The following PIN4 variants were observed in gnomAD, a reference collection of about 807,000 sequenced individuals.
The protein encoded by PIN4 is peptidyl-prolyl cis-trans isomerase NIMA-interacting 4.
In PIN4, 3 loss-of-function variants were observed where a neutral mutation model predicts 8.3. The ratio of observed to expected loss-of-function variants is 0.36; its 90% CI spans 0.16 to 0.93. PIN4 has a LOEUF of 0.93. Among genes scored for constraint, PIN4 ranks in the 40% least tolerant of loss-of-function variants. The pLI is 0.44. For synonymous variants in PIN4, 18 were observed against 32.5 expected, an observed-to-expected ratio of 0.55 and a Z score of 1.52; for missense variants, 75 against 100.6, an observed-to-expected ratio of 0.75 and a Z score of 1.09.
chrX:72,204,586 A>G (rs1487121815), intron 3 of PIN4: 1 of 116,429 alleles, frequency 8.6e-6, no homozygotes, highest in Admixed American at 9.1e-5. Context: ...TTAAGCTGAA[A>G]GCATGAAACA....
chrX:72,182,708 A>G (rs2042680409), intron 1 of PIN4, among the ~76,000 whole-genome samples: 2 of 111,535 alleles, frequency 1.8e-5, no homozygotes, highest in Admixed American at 1.9e-4. Flanking sequence ...CAGGGAACGG[A>G]AGACTTCCTG....
chrX:72,259,931 G>A (rs1209374749), intron 3 of PIN4, among the ~76,000 whole-genome samples: 1 of 106,602 alleles, frequency 9.4e-6, no homozygotes, highest in Non-Finnish European at 1.9e-5. Flanking sequence ...TATAGACGGG[G>A]TTTCACCATA....
intron 3 of PIN4, among the ~76,000 whole-genome samples, chrX:72,251,189 C>T (rs1309739169): frequency 1.9e-5 from 2 of 103,699 alleles, no homozygotes; most frequent in Non-Finnish European, 3.9e-5. Flanking sequence ...AACCCCGTCT[C>T]TACTAAAAAT....
chrX:72,195,128 G>A (rs751712797), intron 2 of PIN4, among the ~76,000 whole-genome samples: 25 of 112,411 alleles, frequency 2.2e-4, no homozygotes, highest in Non-Finnish European at 4.7e-4. Flanking sequence ...GTGACTATAA[G>A]TGATTCTATT....
At chrX:72,233,463 C>T (rs774308433) in intron 3 of PIN4, among the ~76,000 whole-genome samples, 1 of 111,537 alleles carries the variant, frequency 9.0e-6, no homozygotes, top group South Asian at 3.8e-4. Flanking sequence ...GTAGCTCACG[C>T]CTGTAATCAC....
chrX:72,226,405 T>C (rs781320104), intron 3 of PIN4, among the ~76,000 whole-genome samples: 1 of 112,063 alleles, frequency 8.9e-6, no homozygotes, highest in East Asian at 2.8e-4. Context: ...AACAAGCAGA[T>C]TTATTTGCCC....
chrX:72,203,633 A>G (rs1001122096), intron 3 of PIN4, among the ~76,000 whole-genome samples: 1 of 112,017 alleles, frequency 8.9e-6, no homozygotes, highest in Non-Finnish European at 1.9e-5. Flanking sequence ...AAAACAGCTC[A>G]GTGTATTATA....
intron 2 of PIN4, among the ~76,000 whole-genome samples, chrX:72,192,571 T>C (rs1272559630): frequency 1.8e-5 from 2 of 111,111 alleles, no homozygotes; most frequent in African/African-American, 6.6e-5. Context: ...GGCCTTTCCT[T>C]TTTATTATGC....
At chrX:72,184,235 G>A in intron 1 of PIN4, among the ~76,000 whole-genome samples, 1 of 111,882 alleles carries the variant, frequency 8.9e-6, no homozygotes. Context: ...AGAGTGGGAA[G>A]GGAAAAAGAA....
chrX:72,239,905 C>A (rs1484122397), intron 3 of PIN4, among the ~76,000 whole-genome samples: 3 of 108,965 alleles, frequency 2.8e-5, no homozygotes, highest in Non-Finnish European at 3.8e-5. Flanking sequence ...TGGTGAGACT[C>A]CCGTCTCTTT....
intron 3 of PIN4, among the ~76,000 whole-genome samples, chrX:72,214,977 A>G (rs1441192708): frequency 3.6e-5 from 4 of 111,473 alleles, no homozygotes; most frequent in Admixed American, 2.9e-4. Flanking sequence ...AAAAAGCAAG[A>G]CTCTGACTCA....
intron 3 of PIN4, chrX:72,238,985 T>TA: frequency 3.0e-6 from 3 of 1,015,799 alleles, no homozygotes; most frequent in Non-Finnish European, 4.1e-6. Flanking sequence ...GCTTGGAGCT[T>TA]AGAGTTTGGA....
At chrX:72,242,279 T>C (rs1602457900) in intron 3 of PIN4, among the ~76,000 whole-genome samples, 1 of 112,369 alleles carries the variant, frequency 8.9e-6, no homozygotes, top group Non-Finnish European at 1.9e-5. Flanking sequence ...TGCCTGCCCT[T>C]TGGCTATTGG....
intron 3 of PIN4, among the ~76,000 whole-genome samples, chrX:72,222,320 T>G (rs2042928156): frequency 9.0e-6 from 1 of 111,651 alleles, no homozygotes; most frequent in Admixed American, 9.5e-5. Flanking sequence ...AATTTTAACC[T>G]CCACCCTCAC....
intron 3 of PIN4, among the ~76,000 whole-genome samples, chrX:72,253,789 A>T (rs1235916124): frequency 9.3e-6 from 1 of 107,436 alleles, no homozygotes; most frequent in Non-Finnish European, 1.9e-5. Context: ...AAAACAAAAG[A>T]AAACAAAACA....
At chrX:72,226,266 T>C (rs2042953128) in intron 3 of PIN4, among the ~76,000 whole-genome samples, 1 of 111,516 alleles carries the variant, frequency 9.0e-6, no homozygotes, top group Non-Finnish European at 1.9e-5. Flanking sequence ...CCCAGATTGG[T>C]TTATAGATGG....
intron 3 of PIN4, among the ~76,000 whole-genome samples, chrX:72,257,424 G>T (rs1401252127): frequency 1.8e-5 from 2 of 111,301 alleles, no homozygotes; most frequent in African/African-American, 6.5e-5. Context: ...GGGCCGGGGG[G>T]AGGGCGTGAT....
chrX:72,240,870 A>G (rs1389170617), intron 3 of PIN4, among the ~76,000 whole-genome samples: 2 of 110,785 alleles, frequency 1.8e-5, no homozygotes, highest in African/African-American at 6.6e-5. Context: ...GGTTTGTATG[A>G]CTTTAAGGCC....
At chrX:72,262,057 C>T (rs945452333) in intron 3 of PIN4, among the ~76,000 whole-genome samples, 3 of 111,381 alleles carry the variant, frequency 2.7e-5, no homozygotes, top group African/African-American at 9.8e-5. Flanking sequence ...GACCCTCCCC[C>T]CAAGACCTGT....
Sources: gnomAD v4.1 joint callset for allele counts (sites outside exome capture counted in the v4.1 genomes callset) on GRCh38, gnomAD v4.1.1 for gene constraint, MANE v1.5 for transcripts, NCBI Gene and HGNC (gene_info 2026-07-23, HGNC 2026-07-21) for gene names.